EYS: variants seen among roughly 807,000 people sequenced by gnomAD.
The protein encoded by EYS is EGF-like photoreceptor maintenance factor, also known as protein eyes shut homolog.
In EYS, 250 loss-of-function variants were observed where a neutral mutation model predicts 282.1. That is an observed-to-expected ratio of 0.89 (90% confidence interval 0.80 to 0.98). The LOEUF (loss-of-function observed/expected upper bound fraction) is 0.98, where lower values mean the gene tolerates loss of function less well. Among genes scored for constraint, EYS ranks in the 50% least tolerant of loss-of-function variants. The pLI is 0.00. For synonymous variants in EYS, 1,355 were observed against 1,282.9 expected (o/e 1.06, Z -1.20); for missense variants, 4,016 against 3,709.0 (o/e 1.08, Z -2.15).
At chr6:64,775,285 A>G (rs1047425074) in intron 22 of EYS, among the ~76,000 whole-genome samples, 2 of 151,978 alleles carry the variant, frequency 1.3e-5, no homozygotes, top group African/African-American at 2.4e-5. Context: ...ACATCCAGCC[A>G]TTAGGTAACT....
chr6:63,725,335 G>A (rs997402554), intron 42 of EYS, among the ~76,000 whole-genome samples: 1 of 151,734 alleles, frequency 6.6e-6, no homozygotes, highest in Non-Finnish European at 1.5e-5. Context: ...AAACAAATAT[G>A]TATCGTTGTA....
intron 26 of EYS, among the ~76,000 whole-genome samples, chr6:64,547,383 T>C (rs1764911653): frequency 1.3e-5 from 2 of 152,258 alleles, no homozygotes; most frequent in East Asian, 1.9e-4. Context: ...ACTGGTGCGT[T>C]TGCAATCCCT....
intron 11 of EYS, among the ~76,000 whole-genome samples, chr6:65,316,842 T>G (rs1769308068): frequency 4.6e-5 from 7 of 152,266 alleles, no homozygotes; most frequent in Admixed American, 4.6e-4. Flanking sequence ...GTATTCCATG[T>G]TGTATATGTG....
At chr6:63,949,587 T>C (rs1765505728) in intron 35 of EYS, among the ~76,000 whole-genome samples, 1 of 152,198 alleles carries the variant, frequency 6.6e-6, no homozygotes, top group South Asian at 2.1e-4. Flanking sequence ...ATATATATTG[T>C]GTGCATAATA....
chr6:65,495,021 T>C lies in EYS; in HGVS notation c.390A>G (p.Leu130=), dbSNP rs758943572. 2.4e-5 allele frequency: 38 copies of C among 1,614,096 alleles called. No individual in the cohort carries two copies. The highest frequency in any genetic ancestry group is 1.3e-4 in the Admixed American group (8 of 60,004). Residue 130 remains leucine, a synonymous_variant, in exon 4 of 43, where the codon CTA becomes CTG. Coordinates refer to ENST00000503581, the MANE Select transcript of EYS (RefSeq NM_001142800.2). ...TAGAATTAACAGTGTGCATTCCTTT[T>C]AGTCTGCAGCCAAAAAGTAACTGAT... The part of the protein sequence containing the change: ...TEDQLLFGCR[L]KGMHTVNSKW...
At chr6:65,332,940 AT>A (rs1172260647) in intron 11 of EYS, among the ~76,000 whole-genome samples, 1 of 150,990 alleles carries the variant, frequency 6.6e-6, no homozygotes, top group Non-Finnish European at 1.5e-5. Flanking sequence ...TTTCTTTATA[AT>A]TATTTTTCTT....
chr6:65,338,002 T>C (rs1425710707), intron 10 of EYS, among the ~76,000 whole-genome samples: 1 of 151,138 alleles, frequency 6.6e-6, no homozygotes, highest in Non-Finnish European at 1.5e-5. Flanking sequence ...GAACTAAAGT[T>C]GAATAATGAG....
At chr6:64,186,248 TACACACACACACACACACAC>T (rs34727951) in intron 31 of EYS, among the ~76,000 whole-genome samples, 2 of 146,966 alleles carry the variant, frequency 1.4e-5, no homozygotes, top group African/African-American at 2.5e-5. Flanking sequence ...ATGTGTGTTT[TACACACACACACACACACAC>T]ACACACACAC....
At chr6:65,405,016 A>G (rs1467874038) in intron 6 of EYS, among the ~76,000 whole-genome samples, 158 bp downstream of exon 6, 1 of 152,012 alleles carries the variant, frequency 6.6e-6, no homozygotes, top group African/African-American at 2.4e-5. Flanking sequence ...TTTCCTATAT[A>G]AATAGGAAAA....
chr6:65,136,401 CT>C (rs1776023528), intron 12 of EYS, among the ~76,000 whole-genome samples: 2 of 151,874 alleles, frequency 1.3e-5, no homozygotes, highest in Admixed American at 1.3e-4. Context: ...ATTACGATCA[CT>C]TTTTTATAGT....
rs1341864063 is a variant in EYS, at chr6:63,751,995, T to C, written c.8071+10466A>G. On this transcript the variant is annotated intron_variant, in intron 41 of 42. Transcript: ENST00000503581. ...ATGATAGGCAAAGACATCTGGTGAC[T>C]CCTGCTACCAAAATCTTCTAGGATG... Among the ~76,000 whole-genome samples the C allele has an allele frequency of 2.6e-5, 4 of 152,348 alleles. No homozygotes were observed. In the East Asian group the frequency reaches 7.7e-4, roughly 29 times the overall value.
intron 1 of EYS, among the ~76,000 whole-genome samples, chr6:65,684,265 T>C (rs10944833): frequency 1.3e-5 from 2 of 151,822 alleles, no homozygotes; most frequent in South Asian, 2.1e-4. Context: ...TAGTTAAAAA[T>C]AGCAAATCCT....
chr6:64,943,912 TA>T (rs972723079), intron 15 of EYS, among the ~76,000 whole-genome samples: 1 of 151,486 alleles, frequency 6.6e-6, no homozygotes, highest in African/African-American at 2.4e-5. Flanking sequence ...AGAGAGGAAA[TA>T]AAAAAAGATG....
intron 1 of EYS, among the ~76,000 whole-genome samples, chr6:65,693,420 T>A (rs1171085758): frequency 6.8e-6 from 1 of 147,322 alleles, no homozygotes; most frequent in Non-Finnish European, 1.5e-5. Context: ...TTTTTTTTTT[T>A]TTTTAAGTCT....
chr6:63,910,688 A>G (rs1042014362), intron 35 of EYS, among the ~76,000 whole-genome samples: 3 of 152,208 alleles, frequency 2.0e-5, no homozygotes, highest in Non-Finnish European at 4.4e-5. Flanking sequence ...ATGTTGATAT[A>G]TTAGATAGTT....
At chr6:65,243,752 GA>G (rs887738372) in intron 12 of EYS, among the ~76,000 whole-genome samples, 2 of 151,474 alleles carry the variant, frequency 1.3e-5, no homozygotes, top group East Asian at 3.9e-4. Flanking sequence ...AGAAAAATAA[GA>G]AAAAAAATAG....
In EYS at chr6:64,829,030, G is replaced by T. The variant is rs572810245; in HGVS notation, c.2993-6208C>A. On this transcript the variant is annotated intron_variant, in intron 19 of 42. Coordinates refer to ENST00000503581, the MANE Select transcript of EYS (RefSeq NM_001142800.2). ...TGGTCATAATCTTTGGGTGGAAATAGCCTAAGAGAAGAATATGCATGGAGT... is the reference window on the plus strand; with the variant it reads ...TGGTCATAATCTTTGGGTGGAAATATCCTAAGAGAAGAATATGCATGGAGT... Among the ~76,000 whole-genome samples, 99 of 151,988 alleles carry T rather than the reference G, an allele frequency of 6.5e-4. 2 individuals carry two copies. In the South Asian group the frequency reaches 0.02, roughly 30 times the overall value.
At chr6:64,411,585 G>T (rs1256868163) in intron 28 of EYS, among the ~76,000 whole-genome samples, 3 of 152,108 alleles carry the variant, frequency 2.0e-5, no homozygotes, top group Non-Finnish European at 4.4e-5. Flanking sequence ...GCTCAAACTT[G>T]TAATCTCAGC....
At chr6:64,748,672 A>G (rs1187135347) in intron 22 of EYS, among the ~76,000 whole-genome samples, 2 of 152,358 alleles carry the variant, frequency 1.3e-5, no homozygotes, top group Non-Finnish European at 1.5e-5. Context: ...AAGCTTCTAT[A>G]TATTGTAATT....
Sources: gnomAD v4.1 joint callset for allele counts (sites outside exome capture counted in the v4.1 genomes callset) on GRCh38, gnomAD v4.1.1 for gene constraint, MANE v1.5 for transcripts, NCBI Gene and HGNC (gene_info 2026-07-23, HGNC 2026-07-21) for gene names.